The following CCDC91 variants were observed in gnomAD, a reference collection of about 807,000 sequenced individuals.
The protein encoded by CCDC91 is coiled-coil domain containing 91.
CCDC91 carries 48 observed loss-of-function variants against 63.2 expected under a neutral mutation model. That is an observed-to-expected ratio of 0.76 (90% CI 0.60 to 0.97). The LOEUF (loss-of-function observed/expected upper bound fraction) is 0.97, where lower values mean the gene tolerates loss of function less well. Ranked by LOEUF, CCDC91 falls within the 50% of genes least tolerant of loss-of-function variation. The pLI, the probability that CCDC91 is intolerant of heterozygous loss-of-function variation, is 0.00. For synonymous variants in CCDC91, 167 were observed against 165.8 expected, an observed-to-expected ratio of 1.01 and a Z score of -0.06; for missense variants, 500 against 494.6, an observed-to-expected ratio of 1.01 and a Z score of -0.10.
At chr12:28,436,124 A>G (rs1426774165) in intron 8 of CCDC91, among the ~76,000 whole-genome samples, 5 of 151,856 alleles carry the variant, frequency 3.3e-5, no homozygotes. Context: ...AGTGTCTACC[A>G]TAACTATTCT....
At chr12:28,224,729 A>T (rs1944163451) in intron 1 of CCDC91, among the ~76,000 whole-genome samples, 1 of 152,228 alleles carries the variant, frequency 6.6e-6, no homozygotes, top group South Asian at 2.1e-4. Flanking sequence ...AAGTTGTAAC[A>T]TCATGCTATT....
chr12:28,522,541 T>G (rs1211811753), intron 12 of CCDC91, among the ~76,000 whole-genome samples: 1 of 152,172 alleles, frequency 6.6e-6, no homozygotes, highest in East Asian at 1.9e-4. Context: ...GATGCATTGA[T>G]TTTTTGAAGG....
chr12:28,345,966 C>T (rs923302149), intron 6 of CCDC91, among the ~76,000 whole-genome samples: 1 of 151,966 alleles, frequency 6.6e-6, no homozygotes, highest in Non-Finnish European at 1.5e-5. Flanking sequence ...AACTTTTTAT[C>T]TTTAAATGAA....
Position 28,307,867 on chromosome 12 carries a change from T to A in CCDC91, c.576+118T>A, listed in dbSNP as rs775236669. On this transcript the variant is annotated intron_variant, in intron 6 of 12. Coordinates refer to ENST00000536442, the MANE Select transcript of CCDC91 (RefSeq NM_018318.5). ...GAAGAATCAGATACTTGCTTAAATA[T>A]ATAAAACTGACCAACATGGGCTAAA... 35 of 636,584 alleles carry A rather than the reference T, an allele frequency of 5.5e-5. 1 individual carries two copies. In the Middle Eastern group the frequency reaches 1.1e-3, roughly 20 times the overall value. The allele number at this position is 636,584 out of a possible 1,614,324, so 39.4% of individuals were successfully genotyped here.
intron 1 of CCDC91, among the ~76,000 whole-genome samples, chr12:28,207,265 C>T (rs1017535802): frequency 6.6e-6 from 1 of 152,130 alleles, no homozygotes; most frequent in African/African-American, 2.4e-5. Flanking sequence ...AGAAACTTCT[C>T]TGGTTAGCTT....
chr12:28,503,103 A>G (rs1228295339), intron 12 of CCDC91, among the ~76,000 whole-genome samples: 2 of 152,200 alleles, frequency 1.3e-5, no homozygotes, highest in Admixed American at 1.3e-4. Context: ...TAAACTAAAG[A>G]GCTTCTGCAC....
At chr12:28,546,827 G>A (rs1245871112) in intron 12 of CCDC91, among the ~76,000 whole-genome samples, 1 of 152,060 alleles carries the variant, frequency 6.6e-6, no homozygotes, top group Non-Finnish European at 1.5e-5. Context: ...AAGAAATTTG[G>A]CAATATGTAT....
At chr12:28,412,656 G>A (rs1375508254) in intron 8 of CCDC91, 7 of 413,100 alleles carry the variant, frequency 1.7e-5, no homozygotes, top group Non-Finnish European at 3.4e-5. Context: ...AGCTTCCAGA[G>A]CATGGAAGGG....
chr12:28,197,913 A>C (rs1489299867), intron 1 of CCDC91, among the ~76,000 whole-genome samples: 4 of 152,134 alleles, frequency 2.6e-5, no homozygotes, highest in Non-Finnish European at 5.9e-5. Context: ...TAGAGGATAC[A>C]ACAATTTATT....
chr12:28,202,765 G>A lies in CCDC91; in HGVS notation c.-15+12124G>A, dbSNP rs1474154297. Among the ~76,000 whole-genome samples, 3 of 152,326 alleles carry A rather than the reference G, an allele frequency of 2.0e-5. No individual in the cohort carries two copies. The East Asian group carries it at 5.8e-4, about 29-fold the overall frequency. ...AGTACTTGCATGAGCTTGGCCATCT[G>A]GAGTTCAAGGAATATGTTGGATCTT... On this transcript the variant is annotated intron_variant, in intron 1 of 12. Coordinates refer to ENST00000536442, the MANE Select transcript of CCDC91 (RefSeq NM_018318.5).
intron 11 of CCDC91, among the ~76,000 whole-genome samples, chr12:28,472,968 C>A (rs1271669608): frequency 6.6e-6 from 1 of 151,956 alleles, no homozygotes; most frequent in Non-Finnish European, 1.5e-5. Flanking sequence ...GCTGTTGTTG[C>A]ACAGGAAGTG....
At chr12:28,274,574 T>G (rs1193979851) in intron 3 of CCDC91, among the ~76,000 whole-genome samples, 1 of 152,144 alleles carries the variant, frequency 6.6e-6, no homozygotes, top group Non-Finnish European at 1.5e-5. Flanking sequence ...GCACGTTGGA[T>G]TCCTGGGTAT....
At chr12:28,444,811 A>G (rs1949416705) in intron 8 of CCDC91, among the ~76,000 whole-genome samples, 1 of 151,588 alleles carries the variant, frequency 6.6e-6, no homozygotes, top group Non-Finnish European at 1.5e-5. Context: ...AAACCTTCAC[A>G]TGTACTCCTG....
At chr12:28,496,529 A>C (rs148762715) in intron 12 of CCDC91, among the ~76,000 whole-genome samples, 1 of 151,672 alleles carries the variant, frequency 6.6e-6, no homozygotes, top group African/African-American at 2.4e-5. Context: ...AAACATTACA[A>C]ATGGCCACTA....
At chr12:28,272,355 A>G (rs771796361) in intron 3 of CCDC91, among the ~76,000 whole-genome samples, 10 of 150,824 alleles carry the variant, frequency 6.6e-5, no homozygotes, top group Admixed American at 1.3e-4. Context: ...GTTTTTACCA[A>G]TGTTGTTGTT....
intron 1 of CCDC91, among the ~76,000 whole-genome samples, chr12:28,240,872 G>A (rs781039253): frequency 3.9e-5 from 6 of 151,976 alleles, no homozygotes; most frequent in Non-Finnish European, 8.8e-5. Flanking sequence ...CATTTTCCTG[G>A]GATAAATACC....
chr12:28,483,769 C>T (rs1004193076), intron 11 of CCDC91, among the ~76,000 whole-genome samples: 3 of 152,182 alleles, frequency 2.0e-5, no homozygotes, highest in Admixed American at 2.0e-4. Context: ...ATCATGTAAA[C>T]ATCAAATGAA....
intron 8 of CCDC91, among the ~76,000 whole-genome samples, chr12:28,440,732 G>T (rs1949142228): frequency 6.6e-6 from 1 of 151,948 alleles, no homozygotes; most frequent in African/African-American, 2.4e-5. Context: ...TAAAAAAAGA[G>T]AACTAAAAAT....
At chr12:28,435,304 T>C (rs1312273907) in intron 8 of CCDC91, among the ~76,000 whole-genome samples, 3 of 150,290 alleles carry the variant, frequency 2.0e-5, no homozygotes, top group African/African-American at 4.9e-5. Context: ...ATAAATTGCG[T>C]TTTTTTTTTC....
Sources: allele counts gnomAD v4.1 joint callset (sites outside exome capture counted in the v4.1 genomes callset), GRCh38; gene constraint gnomAD v4.1.1; transcripts MANE v1.5; gene names NCBI Gene and HGNC (gene_info 2026-07-23, HGNC 2026-07-21).